The following STARD13 variants were observed in gnomAD, a reference collection of about 807,000 sequenced individuals.
STARD13 encodes the protein stAR-related lipid transfer protein 13.
Under a neutral mutation model 106.4 loss-of-function variants are expected in STARD13, and 62 were observed. The observed-to-expected ratio is 0.58, with a 90% CI of 0.48 to 0.72. The LOEUF is 0.72. STARD13 is among the 30% of genes least tolerant of loss of function. The probability of loss-of-function intolerance (pLI) is 0.00; values close to 1 mark genes in which losing one functional copy is unlikely to be tolerated. For missense variants in STARD13, 1,387 were observed against 1,424.0 expected (o/e 0.97, Z 0.42); for synonymous variants, 565 against 553.0 (o/e 1.02, Z -0.31).
chr13:33,637,067 T>C, the STARD13 span, among the ~76,000 whole-genome samples: 1 of 152,192 alleles, frequency 6.6e-6, no homozygotes, highest in African/African-American at 2.4e-5. Context: ...CTCATCCTTA[T>C]TTGGAATGTT....
Position 33,337,530 on chromosome 13 carries a change from G to A in STARD13, c.124+12760C>T, listed in dbSNP as rs547471864. The stretch of plus-strand genomic sequence containing the variant: ...TATCAGTAACTCTGCAAACATCAAG[G>A]GTCATATTATTGCCTTACTTTATAA... On this transcript the variant is annotated intron_variant, in intron 1 of 5. Coordinates refer to the STARD13 transcript ENST00000567873. 2.6e-5 allele frequency among the ~76,000 whole-genome samples: 4 copies of A among 152,068 alleles called. No individual in the cohort carries two copies. The East Asian group carries it at 7.7e-4, about 29-fold the overall frequency.
At chr13:33,586,923 C>CTGT in the STARD13 span, among the ~76,000 whole-genome samples, 4 of 152,066 alleles carry the variant, frequency 2.6e-5, no homozygotes, top group Non-Finnish European at 5.9e-5. Context: ...GTTCAATTTT[C>CTGT]TCCTAGTTGG....
chr13:33,619,053 G>A, the STARD13 span, among the ~76,000 whole-genome samples: 68 of 152,046 alleles, frequency 4.5e-4, 1 homozygote, highest in African/African-American at 1.6e-3. Flanking sequence ...AATATTAGAA[G>A]CCATGTAAAG....
At chr13:33,248,916 T>C (rs1180431492) in intron 1 of STARD13, among the ~76,000 whole-genome samples, 1 of 152,246 alleles carries the variant, frequency 6.6e-6, no homozygotes, top group Non-Finnish European at 1.5e-5. Context: ...AAACAATAAA[T>C]TTTAAATAAG....
chr13:33,136,255 A>G (rs1460727291), intron 4 of STARD13, among the ~76,000 whole-genome samples: 1 of 152,258 alleles, frequency 6.6e-6, no homozygotes, highest in Non-Finnish European at 1.5e-5. Flanking sequence ...TGAACAACAA[A>G]AATGGTATGA....
the STARD13 span, among the ~76,000 whole-genome samples, chr13:33,391,992 A>T: frequency 6.6e-6 from 1 of 152,166 alleles, no homozygotes; most frequent in Non-Finnish European, 1.5e-5. Flanking sequence ...GGGCTTTAGC[A>T]GCACTGTTAC....
At chr13:33,242,007 T>C (rs1041122351) in intron 1 of STARD13, among the ~76,000 whole-genome samples, 2 of 150,924 alleles carry the variant, frequency 1.3e-5, no homozygotes, top group Non-Finnish European at 3.0e-5. Context: ...GCCCATGGTC[T>C]GGGGTGTGGG....
chr13:33,581,485 T>C, the STARD13 span, among the ~76,000 whole-genome samples: 1 of 152,180 alleles, frequency 6.6e-6, no homozygotes, highest in African/African-American at 2.4e-5. Context: ...GCAACATTCA[T>C]TTGAATTTGT....
the STARD13 span, among the ~76,000 whole-genome samples, chr13:33,481,287 C>T: frequency 6.6e-6 from 1 of 151,986 alleles, no homozygotes; most frequent in African/African-American, 2.4e-5. Context: ...CTGTATATTA[C>T]CATTTGCAAT....
intron 4 of STARD13, among the ~76,000 whole-genome samples, chr13:33,140,237 G>GA (rs1350738848): frequency 1.3e-5 from 2 of 152,208 alleles, no homozygotes; most frequent in Non-Finnish European, 2.9e-5. Context: ...CATGTCATTA[G>GA]TTTTTTGGCA....
intron 1 of STARD13, among the ~76,000 whole-genome samples, chr13:33,282,667 A>T (rs546413948): frequency 6.6e-6 from 1 of 152,336 alleles, no homozygotes; most frequent in African/African-American, 2.4e-5. Context: ...TTAAGATACT[A>T]ACCTGTAAAC....
chr13:33,129,909 G>A lies in STARD13; in HGVS notation c.768C>T (p.Ala256=), dbSNP rs142304754. The A allele has an allele frequency of 1.2e-5, 19 of 1,613,244 alleles. No individual in the cohort carries two copies. Among genetic ancestry groups the A allele is most frequent in the Middle Eastern group, 3.3e-4 (2 of 6,084 alleles). ...PKNEKPTRAR[A]KSFLKRMETL... is the part of the protein sequence containing the mutation. ...TTTCCATGCGTTTCAAAAATGATTTGGCCCTAGCCCTCGTGGGCTTCTCAT... is the reference window on the plus strand; with the variant it reads ...TTTCCATGCGTTTCAAAAATGATTTAGCCCTAGCCCTCGTGGGCTTCTCAT... Residue 256 remains alanine (A), a synonymous_variant, in exon 5 of 14, where the codon GCC becomes GCT. Coordinates refer to ENST00000336934, the MANE Select transcript of STARD13 (RefSeq NM_178006.4).
At chr13:33,564,988 CAAA>C in the STARD13 span, among the ~76,000 whole-genome samples, 3 of 47,284 alleles carry the variant, frequency 6.3e-5, no homozygotes, top group Admixed American at 2.5e-4. Flanking sequence ...GACTCTGTCT[CAAA>C]AAAAAAAAAA....
At chr13:33,123,682 A>G (rs1327414058) in intron 7 of STARD13, among the ~76,000 whole-genome samples, 1 of 152,238 alleles carries the variant, frequency 6.6e-6, no homozygotes, top group Non-Finnish European at 1.5e-5. Context: ...GCAAGGGCAA[A>G]CATGGACACT....
the STARD13 span, among the ~76,000 whole-genome samples, chr13:33,525,634 A>G: frequency 6.6e-6 from 1 of 152,182 alleles, no homozygotes; most frequent in Non-Finnish European, 1.5e-5. Context: ...ATTGCTTGGA[A>G]GTCTTCCACA....
Position 33,111,907 on chromosome 13 carries a change from G to C in STARD13, c.2493-15C>G. On this transcript the variant is annotated splice_polypyrimidine_tract_variant and intron_variant, in intron 9 of 13. Coordinates refer to ENST00000336934, the MANE Select transcript of STARD13 (RefSeq NM_178006.4). ...TCTGTATGACTCTGTAATTGAACGT[G>C]AGTGTGCTAAGCAGATCCCACACCA... The C allele has an allele frequency of 6.5e-7, 1 of 1,548,334 alleles. No individual in the cohort carries two copies. Among genetic ancestry groups the C allele is most frequent in the Non-Finnish European group, 8.9e-7 (1 of 1,120,350 alleles).
chr13:33,549,194 A>G, the STARD13 span, among the ~76,000 whole-genome samples: 1 of 152,192 alleles, frequency 6.6e-6, no homozygotes, highest in Non-Finnish European at 1.5e-5. Context: ...TTGGTTACTG[A>G]GTAATAGTTT....
the STARD13 span, among the ~76,000 whole-genome samples, chr13:33,468,103 G>A: frequency 6.4e-4 from 98 of 152,240 alleles, no homozygotes; most frequent in African/African-American, 2.3e-3. Context: ...AACTTCCCAG[G>A]ACCCCGGTTC....
At chr13:33,673,337 C>T in the STARD13 span, among the ~76,000 whole-genome samples, 1 of 152,018 alleles carries the variant, frequency 6.6e-6, no homozygotes, top group Admixed American at 6.6e-5. Context: ...CTGCTCATGG[C>T]CTACATTTGT....
Sources: gnomAD v4.1 joint callset for allele counts (sites outside exome capture counted in the v4.1 genomes callset) on GRCh38, gnomAD v4.1.1 for gene constraint, MANE v1.5 for transcripts, NCBI Gene and HGNC (gene_info 2026-07-23, HGNC 2026-07-21) for gene names.